The following NEDD4 variants were observed in gnomAD, a reference collection of about 807,000 sequenced individuals.
NEDD4 encodes NEDD4 E3 ubiquitin protein ligase, also known as E3 ubiquitin-protein ligase NEDD4.
A neutral mutation model predicts 144.9 loss-of-function variants in NEDD4; 99 were observed. The ratio of observed to expected loss-of-function variants is 0.68; its 90% CI spans 0.58 to 0.81. The LOEUF (loss-of-function observed/expected upper bound fraction) is 0.81. Ranked by LOEUF, NEDD4 falls within the 30% of genes least tolerant of loss-of-function variation. The pLI is 0.00. For synonymous variants in NEDD4, 318 were observed against 350.6 expected (o/e 0.91, Z 1.04); for missense variants, 985 against 1,065.9 (o/e 0.92, Z 1.06).
At chr15:55,961,846 C>T (rs2037432115) in intron 2 of NEDD4, among the ~76,000 whole-genome samples, 1 of 152,148 alleles carries the variant, frequency 6.6e-6, no homozygotes, top group African/African-American at 2.4e-5. Context: ...GTACCATGTA[C>T]ACTTGAAAAG....
chr15:55,852,809 G>T (rs2034046357), intron 12 of NEDD4, among the ~76,000 whole-genome samples: 1 of 151,650 alleles, frequency 6.6e-6, no homozygotes, highest in African/African-American at 2.4e-5. Context: ...GAGTGCAGTG[G>T]TATGATCTCG....
rs1224667603 is a variant in NEDD4 at position 55,856,029 on chromosome 15, T to C, written c.1026+102A>G. ...CTGGAGCCTACATTCTGTGCTGTAT[T>C]GGCTCCCTGTAAGGCAAACGTTCAC... On this transcript the variant is annotated intron_variant, in intron 12 of 28. Coordinates refer to ENST00000435532, the MANE Select transcript of NEDD4 (RefSeq NM_006154.4). The C allele has an allele frequency of 7.5e-6, 7 of 939,318 alleles. No individual in the cohort carries two copies. The East Asian group carries it at 1.9e-4, about 25-fold the overall frequency. The allele number at this position is 939,318 out of a possible 1,614,324, so 58.2% of individuals were successfully genotyped here.
At chr15:55,847,676 CTTTTTTTT>C (rs149696600) in intron 17 of NEDD4, among the ~76,000 whole-genome samples, 2 of 113,590 alleles carry the variant, frequency 1.8e-5, no homozygotes, top group African/African-American at 3.2e-5. Flanking sequence ...TTTCTTTTTC[CTTTTTTTT>C]TTTTTTTTTT....
intron 4 of NEDD4, among the ~76,000 whole-genome samples, chr15:55,951,136 A>G (rs575996235): frequency 6.6e-6 from 1 of 152,344 alleles, no homozygotes; most frequent in South Asian, 2.1e-4. Context: ...AACTGGAGTA[A>G]GACTACTGTA....
At chr15:55,982,697 A>G (rs2037823674) in intron 1 of NEDD4, among the ~76,000 whole-genome samples, 1 of 152,232 alleles carries the variant, frequency 6.6e-6, no homozygotes, top group Non-Finnish European at 1.5e-5. Flanking sequence ...TTATACATTT[A>G]TAATCTGTGC....
Position 55,899,202 on chromosome 15 carries a change from CTT to C in NEDD4, c.292-25196_292-25195del, listed in dbSNP as rs58717523. On this transcript the variant is annotated intron_variant, in intron 5 of 28. Transcript: ENST00000435532. ...TTCTTCTTTTTAATTCTCTCTCTCT[CTT>C]TTTCAAACCTTGGCACAAGACTACA... Among the ~76,000 whole-genome samples the C allele has an allele frequency of 6.6e-3, 1,003 of 152,070 alleles. 14 individuals carry two copies. Among genetic ancestry groups the C allele is most frequent in the African/African-American group, 0.022 (914 of 41,374 alleles).
rs147389100 is a variant in NEDD4, at chr15:55,977,089, T to G, written c.46-10543A>C. 6.6e-5 allele frequency among the ~76,000 whole-genome samples: 10 copies of G among 152,302 alleles called. No individual in the cohort carries two copies. The South Asian group carries it at 2.1e-3, about 32-fold the overall frequency. ...TGAGTGGGAGAAAATATGCATATCA[T>G]AGATTATTTATTTTAACCTTCTTTC... On this transcript the variant is annotated intron_variant, in intron 1 of 28. Transcript: ENST00000435532.
intron 1 of NEDD4, chr15:55,988,095 C>A (rs1412667630): frequency 2.0e-5 from 3 of 148,016 alleles, no homozygotes; most frequent in Non-Finnish European, 4.5e-5. Flanking sequence ...CAATGATAGA[C>A]TGGATTAAGA....
intron 4 of NEDD4, among the ~76,000 whole-genome samples, chr15:55,931,658 A>T (rs938014567): frequency 1.3e-5 from 2 of 152,234 alleles, no homozygotes; most frequent in African/African-American, 4.8e-5. Flanking sequence ...TAAGTATATG[A>T]TTCTATTGTG....
At chr15:55,894,183 T>TC (rs1802640071) in intron 5 of NEDD4, among the ~76,000 whole-genome samples, 1 of 152,164 alleles carries the variant, frequency 6.6e-6, no homozygotes, top group Non-Finnish European at 1.5e-5. Context: ...AACTGTATAG[T>TC]CAGCTCTCTC....
At chr15:55,874,570 G>A (rs779178547) in intron 5 of NEDD4, among the ~76,000 whole-genome samples, 130 of 152,308 alleles carry the variant, frequency 8.5e-4, no homozygotes, top group Non-Finnish European at 1.7e-3. Flanking sequence ...ACTCTGAACT[G>A]AACAAGTGAA....
chr15:55,905,991 C>CA (rs1171267642), intron 5 of NEDD4, among the ~76,000 whole-genome samples: 1 of 152,126 alleles, frequency 6.6e-6, no homozygotes, highest in East Asian at 1.9e-4. Context: ...AGACACTTCT[C>CA]AAAAGAAGAC....
intron 21 of NEDD4, 70 bp from the exon 22 acceptor site, chr15:55,838,674 T>A: frequency 1.0e-6 from 1 of 985,592 alleles, no homozygotes; most frequent in Non-Finnish European, 1.6e-6. Flanking sequence ...AAACAGTATG[T>A]AGAGGGTCTG....
intron 1 of NEDD4, among the ~76,000 whole-genome samples, chr15:55,985,611 T>C (rs2037877754): frequency 6.6e-6 from 1 of 152,166 alleles, no homozygotes; most frequent in Non-Finnish European, 1.5e-5. Context: ...TTAGAAAAGG[T>C]ACTTATGGCT....
intron 7 of NEDD4, 112 bp from the exon 8 acceptor site, chr15:55,869,793 T>C: frequency 1.5e-6 from 1 of 648,974 alleles, no homozygotes; most frequent in Non-Finnish European, 2.6e-6. Context: ...CAAAGGGAGG[T>C]TCAAAGACAA....
At chr15:55,936,444 T>G (rs2036891443) in intron 4 of NEDD4, among the ~76,000 whole-genome samples, 1 of 151,938 alleles carries the variant, frequency 6.6e-6, no homozygotes, top group Non-Finnish European at 1.5e-5. Context: ...ACATAGGAAA[T>G]CCCAGAAAAG....
intron 26 of NEDD4, among the ~76,000 whole-genome samples, chr15:55,833,332 C>T (rs2033046002): frequency 6.6e-6 from 1 of 152,068 alleles, no homozygotes; most frequent in African/African-American, 2.4e-5. Context: ...AGTGAAGTAA[C>T]AAAATTTCTC....
intron 21 of NEDD4, among the ~76,000 whole-genome samples, chr15:55,839,981 AAAAAAAAAAAAAAAAAAAAT>A (rs1364394573): frequency 2.2e-4 from 8 of 35,684 alleles, no homozygotes; most frequent in African/African-American, 6.9e-4. Context: ...CTCAAAAAAA[AAAAAAAAAAAAAAAAAAAAT>A]ATATATATAT....
chr15:55,897,646 T>C (rs1447879604), intron 5 of NEDD4, among the ~76,000 whole-genome samples: 1 of 152,352 alleles, frequency 6.6e-6, no homozygotes, highest in Middle Eastern at 3.4e-3. Flanking sequence ...TTTAGCTTTC[T>C]GCCAGCAGTT....
Sources: gnomAD v4.1 joint callset for allele counts (sites outside exome capture counted in the v4.1 genomes callset) on GRCh38, gnomAD v4.1.1 for gene constraint, MANE v1.5 for transcripts, NCBI Gene and HGNC (gene_info 2026-07-23, HGNC 2026-07-21) for gene names.